WEE2: variants seen among roughly 807,000 people sequenced by gnomAD.
The protein encoded by WEE2 is wee1-like protein kinase 2.
In WEE2, 50 loss-of-function variants were observed where a neutral mutation model predicts 60.1. The observed-to-expected ratio is 0.83, with a 90% CI of 0.66 to 1.05. The LOEUF is 1.05. Among genes scored for constraint, WEE2 ranks in the 50% least tolerant of loss-of-function variants. The pLI is 0.00. For synonymous variants in WEE2, 240 were observed against 241.0 expected, an observed-to-expected ratio of 1.00 and a Z score of 0.04; for missense variants, 631 against 684.3, an observed-to-expected ratio of 0.92 and a Z score of 0.87.
rs1351172282 is a variant in WEE2, at chr7:141,725,158, C to G, written c.1354C>G (p.Pro452Ala). 6.2e-7 allele frequency: 1 copy of G among 1,614,190 alleles called. No homozygotes were observed. Among genetic ancestry groups the G allele is most frequent in the African/African-American group, 1.3e-5 (1 of 75,056 alleles). Reference sequence around the variant, plus strand: ...CCGCAAGGGTAACTTTCCGGACGTTCCTCAGGAGCTCTCAGAAAGCTTTTC... The same window carrying G: ...CCGCAAGGGTAACTTTCCGGACGTTGCTCAGGAGCTCTCAGAAAGCTTTTC... ...HIRKGNFPDV[P>A]QELSESFSSL... The change falls in exon 9 of 12, where the codon CCT becomes GCT. Residue 452 changes from proline to alanine, a missense_variant. Transcript: ENST00000397541.
In WEE2 at chr7:141,727,378, C is replaced by T. The variant is rs769826343; in HGVS notation, c.1467C>T (p.Ser489=). The change falls in exon 10 of 12, where the codon TCC becomes TCT. Residue 489 remains serine, a synonymous_variant. Coordinates refer to ENST00000397541, the MANE Select transcript of WEE2 (RefSeq NM_001105558.1). ...CCAGAAATACAGTTCTCCGGCCTTC[C>T]CTGGGAAAAACAGAAGAGCTCCAAC... The part of the protein sequence containing the change: ...ALARNTVLRP[S]LGKTEELQQQ... 3 of 1,614,014 alleles carry T rather than the reference C, an allele frequency of 1.9e-6. No homozygotes were observed. The highest frequency in any genetic ancestry group is 1.1e-5 in the South Asian group (1 of 91,064).
chr7:141,727,938 C>G (rs1298883076), intron 10 of WEE2: 1 of 153,338 alleles, frequency 6.5e-6, no homozygotes, highest in Non-Finnish European at 1.5e-5. Context: ...TGTATTCATG[C>G]ATATATTTAC....
At chr7:141,729,411 C>A in intron 10 of WEE2, 120 bp from the exon 11 acceptor site, 1 of 1,348,994 alleles carries the variant, frequency 7.4e-7, no homozygotes, top group South Asian at 1.2e-5. Flanking sequence ...GTACATAGCT[C>A]AGGCTTTTCG....
At position 141,720,966 on chromosome 7, in the gene WEE2, G is replaced by A. The variant is rs764084882; in HGVS notation, c.790G>A (p.Ala264Thr). ...GGCTTTGCATGAAGTTTATGCTCAC[G>A]CAGTGCTTGGGCATCACCCCCATGT... ...NSALHEVYAH[A>T]VLGHHPHVVR... Residue 264 changes from alanine to threonine, a missense_variant, in exon 5 of 12, where the codon GCA becomes ACA. Ala to Thr is a moderately conservative substitution (Grantham distance 58). Transcript: ENST00000397541. 3.7e-6 allele frequency: 6 copies of A among 1,614,016 alleles called. No homozygotes were observed. Among genetic ancestry groups the A allele is most frequent in the Non-Finnish European group, 5.1e-6 (6 of 1,179,936 alleles).
rs151019057 is a variant in WEE2, at chr7:141,711,257, C to T, written c.342+2157C>T. ...TACAGCATTTAGGAAGTAGTTGAGG[C>T]CATGGGTGGAGATAAGGTCACATAG... On this transcript the variant is annotated intron_variant, in intron 1 of 11. Transcript: ENST00000397541. This position sits in a 1 kb window ranked among gnomAD's most constrained non-coding sequence, Gnocchi z 4.2. Among the ~76,000 whole-genome samples the T allele has an allele frequency of 5.0e-3, 765 of 152,196 alleles. 8 individuals are homozygous for T. The highest frequency in any genetic ancestry group is 0.018 in the African/African-American group (747 of 41,524).
Position 141,709,166 on chromosome 7 carries a change from A to G in WEE2, c.342+66A>G, listed in dbSNP as rs1798671825. The G allele has an allele frequency of 9.0e-6, 12 of 1,336,926 alleles. No individual in the cohort carries two copies. In the South Asian group the frequency reaches 1.0e-4, roughly 11 times the overall value. The allele number at this position is 1,336,926 out of a possible 1,614,324, so 82.8% of individuals were successfully genotyped here. ...GCTCTGCTTTCCTGTAGTTTAGCTG[A>G]TAGAGTGGATTCATGTGTGTATGAC... On this transcript the variant is annotated intron_variant, in intron 1 of 11. Coordinates refer to ENST00000397541, the MANE Select transcript of WEE2 (RefSeq NM_001105558.1).
At position 141,720,982 on chromosome 7, in the gene WEE2, A is replaced by AC. The variant is rs777931722; in HGVS notation, c.811dup (p.His271ProfsTer13). 5.0e-6 allele frequency: 8 copies of AC among 1,614,000 alleles called. No individual in the cohort carries two copies. The highest frequency in any genetic ancestry group is 8.5e-7 in the Non-Finnish European group (1 of 1,179,984). ...TATGCTCACGCAGTGCTTGGGCATC[A>AC]CCCCCATGTGGTACGTTACTATTCC... On this transcript the variant is annotated frameshift_variant, in exon 5 of 12. Coordinates refer to ENST00000397541, the MANE Select transcript of WEE2 (RefSeq NM_001105558.1). LOFTEE classifies it high-confidence loss of function.
intron 9 of WEE2, among the ~76,000 whole-genome samples, chr7:141,725,603 C>T (rs369528368): frequency 3.3e-4 from 44 of 131,776 alleles, no homozygotes; most frequent in African/African-American, 1.1e-3. Context: ...CCAGCCTGGG[C>T]GACAGAGCGA....
In WEE2 at chr7:141,708,661, C is replaced by T; in HGVS notation, c.-98C>T. The T allele has an allele frequency of 1.9e-6, 2 of 1,078,340 alleles. No homozygotes were observed. The highest frequency in any genetic ancestry group is 2.7e-6 in the Non-Finnish European group (2 of 738,380). 66.8% of individuals were successfully genotyped at this position (1,078,340 alleles called of 1,614,324 possible). A position where few individuals can be genotyped will look rare whatever the true frequency, so the allele number is the denominator to read the frequency against. ...GAAATTCAGGCTACCGTCGCGAAAC[C>T]TGCAGGTTAAGTTATTTTCTCCTCC... is the stretch of plus-strand genomic sequence containing the variant. On this transcript the variant is annotated 5_prime_UTR_variant, in exon 1 of 12. Coordinates refer to ENST00000397541, the MANE Select transcript of WEE2 (RefSeq NM_001105558.1).
In WEE2 at chr7:141,730,485, G is replaced by A. The variant is rs184466972; in HGVS notation, c.*165G>A. On this transcript the variant is annotated 3_prime_UTR_variant, in exon 12 of 12. Transcript: ENST00000397541. ...GAAAATGTGCCTGGATTTCCACAGC[G>A]CTTCCCAGGTTATATGATGCTGTTC... The A allele has an allele frequency of 1.4e-3, 888 of 613,780 alleles. 2 individuals are homozygous for A. Among genetic ancestry groups the A allele is most frequent in the Non-Finnish European group, 2.0e-3 (689 of 348,664 alleles). The allele number at this position is 613,780 out of a possible 1,614,324, so 38.0% of individuals were successfully genotyped here. A position where few individuals can be genotyped will look rare whatever the true frequency, so the allele number is the denominator to read the frequency against.
In WEE2 at chr7:141,708,609, T is replaced by C; in HGVS notation, c.-150T>C. ...TACTTAAGGCAGAAAATTAACACCG[T>C]GTTTTGTAGCTGTTAGTTGGTAGAG... is the stretch of plus-strand genomic sequence containing the variant. On this transcript the variant is annotated 5_prime_UTR_variant, in exon 1 of 12. Transcript: ENST00000397541. The C allele has an allele frequency of 3.0e-6, 2 of 656,658 alleles. No individual in the cohort carries two copies. Among genetic ancestry groups the C allele is most frequent in the Non-Finnish European group, 5.3e-6 (2 of 375,584 alleles). The allele number at this position is 656,658 out of a possible 1,614,324, so 40.7% of individuals were successfully genotyped here.
chr7:141,714,178 T>G, intron 1 of WEE2, 31 bp from the exon 2 acceptor site: 1 of 1,566,338 alleles, frequency 6.4e-7, no homozygotes, highest in East Asian at 2.3e-5. Context: ...ACTAATGCTA[T>G]TATGACTTGC....
Position 141,714,330 on chromosome 7 carries a change from T to A in WEE2, c.464T>A (p.Ile155Asn), listed in dbSNP as rs1233364142. ...DEMTSLALVNINPFTPESYKK... is the reference protein window; with the variant it reads ...DEMTSLALVNNNPFTPESYKK... The stretch of plus-strand genomic sequence containing the variant: ...ATGACCTCATTGGCTCTGGTCAATA[T>A]TAATCCCTTCACTCCAGAGTCCTAT... Residue 155 changes from isoleucine (I) to asparagine (N), a missense_variant, in exon 2 of 12, where the codon ATT becomes AAT. Physicochemically the swap from Ile to Asn is moderately radical, Grantham distance 149. Transcript: ENST00000397541. 1 of 1,613,920 alleles carries A rather than the reference T, an allele frequency of 6.2e-7. No individual in the cohort carries two copies. The highest frequency in any genetic ancestry group is 1.3e-5 in the African/African-American group (1 of 75,038).
intron 6 of WEE2, 53 bp downstream of exon 6, chr7:141,723,333 A>G (rs1006164602): frequency 8.9e-6 from 14 of 1,579,018 alleles, no homozygotes; most frequent in Non-Finnish European, 1.2e-5. Flanking sequence ...TTTCTATGCT[A>G]TCATCAAAAT....
At chr7:141,728,996 T>C (rs984367141) in intron 10 of WEE2, among the ~76,000 whole-genome samples, 4 of 152,126 alleles carry the variant, frequency 2.6e-5, no homozygotes, top group East Asian at 1.9e-4. Flanking sequence ...TCCAAAAAGG[T>C]TGGGGACCGC....
chr7:141,712,884 G>T (rs1237618072), intron 1 of WEE2, among the ~76,000 whole-genome samples: 1 of 152,070 alleles, frequency 6.6e-6, no homozygotes, highest in African/African-American at 2.4e-5. Flanking sequence ...GGTTCATTTT[G>T]CAAATCACAT....
Position 141,716,207 on chromosome 7 carries a change from T to A in WEE2, c.540-15T>A, listed in dbSNP as rs750609883. 13 of 1,608,678 alleles carry A rather than the reference T, an allele frequency of 8.1e-6. No homozygotes were observed. The highest frequency in any genetic ancestry group is 1.1e-5 in the Non-Finnish European group (13 of 1,177,702). On this transcript the variant is annotated splice_polypyrimidine_tract_variant and intron_variant, in intron 2 of 11. Transcript: ENST00000397541. Reference sequence around the variant, plus strand: ...ATTAATTATATATTGATAAACTTTTTTTTTCTTTTTTAAGTGAGGAAGCTG... The same window carrying A: ...ATTAATTATATATTGATAAACTTTTATTTTCTTTTTTAAGTGAGGAAGCTG...
rs1008495209 is a variant in WEE2 at position 141,725,089 on chromosome 7, G to A, written c.1285G>A (p.Gly429Arg). 6.2e-7 allele frequency: 1 copy of A among 1,614,206 alleles called. No individual in the cohort carries two copies. Among genetic ancestry groups the A allele is most frequent in the Non-Finnish European group, 8.5e-7 (1 of 1,180,038 alleles). The change falls in exon 9 of 12, where the codon GGA (glycine) becomes AGA (arginine). Residue 429 changes from glycine (G) to arginine (R), a missense_variant. Gly to Arg is a moderately radical substitution (Grantham distance 125, BLOSUM62 -2). Transcript: ENST00000397541. ...GGGATTAACAATTGCAGTGGCTGCA[G>A]GAGCAGAGTCATTGCCCACCAATGG... ...ALGLTIAVAA[G>R]AESLPTNGAA...
intron 10 of WEE2, chr7:141,727,688 T>C: frequency 2.1e-6 from 1 of 474,058 alleles, no homozygotes; most frequent in Non-Finnish European, 3.7e-6. Flanking sequence ...GAAGCAAGAG[T>C]GAGGAATATA....
Sources: allele counts gnomAD v4.1 joint callset (sites outside exome capture counted in the v4.1 genomes callset), GRCh38; gene constraint gnomAD v4.1.1; non-coding constraint Gnocchi (gnomAD v3.1); transcripts MANE v1.5; gene names NCBI Gene and HGNC (gene_info 2026-07-23, HGNC 2026-07-21).